Variants in AMZ1 observed in about 807,000 individuals in gnomAD.
The protein encoded by AMZ1 is archaemetzincin-1.
In AMZ1, 39 loss-of-function variants were observed where a neutral mutation model predicts 29.9. That is an observed-to-expected ratio of 1.30 (90% CI 1.01 to 1.70). The LOEUF (loss-of-function observed/expected upper bound fraction) is 1.70. AMZ1 is among the 40% of genes most tolerant of loss of function. AMZ1 has a pLI of 0.00. For missense variants in AMZ1, 1,041 were observed against 680.6 expected (o/e 1.53, Z -5.89); for synonymous variants, 458 against 304.0 (o/e 1.51, Z -5.27).
At chr7:2,732,507 C>T (rs576816978) in intron 4 of AMZ1, among the ~76,000 whole-genome samples, 1 of 152,172 alleles carries the variant, frequency 6.6e-6, no homozygotes, top group Non-Finnish European at 1.5e-5. Context: ...GATCGTGCCA[C>T]TGTACTCCAG....
chr7:2,757,758 CTTCCCTGCACA>C (rs1791371986), intron 4 of AMZ1, among the ~76,000 whole-genome samples: 1 of 152,230 alleles, frequency 6.6e-6, no homozygotes, highest in Non-Finnish European at 1.5e-5. Context: ...AAAATGTCAT[CTTCCCTGCACA>C]TTCTCAGCCC....
Position 2,710,634 on chromosome 7 carries a change from G to T in AMZ1, c.948+818G>T, listed in dbSNP as rs1449578459. Among the ~76,000 whole-genome samples the T allele has an allele frequency of 2.0e-5, 3 of 152,234 alleles. 1 individual carries two copies. Among genetic ancestry groups the T allele is most frequent in the Non-Finnish European group, 4.4e-5 (3 of 68,040 alleles). Reference sequence around the variant, plus strand: ...GGGTCCTGGGTGACACTGAACTAGAGGCCGTGGCATTTCTAGCTCACAGTG... The same window carrying T: ...GGGTCCTGGGTGACACTGAACTAGATGCCGTGGCATTTCTAGCTCACAGTG... On this transcript the variant is annotated intron_variant, in intron 6 of 6. Coordinates refer to ENST00000683327, the MANE Select transcript of AMZ1 (RefSeq NM_001384743.1).
rs904828101 is a variant in AMZ1 at position 2,745,196 on chromosome 7, C to A, written n.551-19516C>A. Among the ~76,000 whole-genome samples, 5 of 152,272 alleles carry A rather than the reference C, an allele frequency of 3.3e-5. No individual in the cohort carries two copies. The South Asian group carries it at 6.2e-4, about 19-fold the overall frequency. On this transcript the variant is annotated intron_variant and non_coding_transcript_variant, in intron 4 of 4. Coordinates refer to the AMZ1 transcript ENST00000489665. ...CCACAAAGATACTCCTTGAGAAAGG[C>A]AACTCCAAGACACATAATTGTCAGA...
At chr7:2,705,607 C>G (rs540564183) in intron 3 of AMZ1, among the ~76,000 whole-genome samples, 4 of 152,266 alleles carry the variant, frequency 2.6e-5, no homozygotes, top group South Asian at 4.2e-4. Flanking sequence ...CATCTTTTGG[C>G]GGGAGGGTTG....
upstream of AMZ1, among the ~76,000 whole-genome samples, chr7:2,764,248 T>C (rs798483): frequency 0.17 from 19,197 of 114,644 alleles, 1,286 homozygotes; most frequent in Middle Eastern, 0.23. Flanking sequence ...TAATTTCTTT[T>C]TTTTTTTTTT....
chr7:2,700,328 G>A lies in AMZ1; in HGVS notation c.-124G>A. 1 of 1,132,052 alleles carries A rather than the reference G, an allele frequency of 8.8e-7. No homozygotes were observed. Among genetic ancestry groups the A allele is most frequent in the Non-Finnish European group, 1.2e-6 (1 of 814,060 alleles). The allele number at this position is 1,132,052 out of a possible 1,614,324, so 70.1% of individuals were successfully genotyped here. On this transcript the variant is annotated 5_prime_UTR_variant, in exon 2 of 7. Coordinates refer to ENST00000683327, the MANE Select transcript of AMZ1 (RefSeq NM_001384743.1). ...CCTTGGACCAGTGTCTGTCTGCAGGGAGCCCCCGGTAGCCACTCGGATCAG... is the reference window on the plus strand; with the variant it reads ...CCTTGGACCAGTGTCTGTCTGCAGGAAGCCCCCGGTAGCCACTCGGATCAG...
chr7:2,692,590 G>A (rs973134775), intron 1 of AMZ1, among the ~76,000 whole-genome samples: 1 of 152,010 alleles, frequency 6.6e-6, no homozygotes, highest in African/African-American at 2.4e-5. Context: ...CAGAGCCCTC[G>A]GAGTTGTTGA....
intron 4 of AMZ1, among the ~76,000 whole-genome samples, chr7:2,736,625 G>C (rs1205392162): frequency 6.6e-6 from 1 of 152,204 alleles, no homozygotes; most frequent in African/African-American, 2.4e-5. Flanking sequence ...CGTGACACTG[G>C]GCAGGACCTA....
chr7:2,731,316 C>A lies in AMZ1; in HGVS notation n.550+21500C>A. On this transcript the variant is annotated intron_variant and non_coding_transcript_variant, in intron 4 of 4. Coordinates refer to the AMZ1 transcript ENST00000489665. The surrounding 1 kb of genome is among the most constrained non-coding windows in gnomAD (Gnocchi z 6.0). ...GTGGCTTGCTGCGGTTCCGTCTCTT[C>A]CTGTCGAAGCACTGGACCAGGTAGC... is the stretch of plus-strand genomic sequence containing the variant. 2 of 1,613,926 alleles carry A rather than the reference C, an allele frequency of 1.2e-6. No homozygotes were observed. Among genetic ancestry groups the A allele is most frequent in the Non-Finnish European group, 1.7e-6 (2 of 1,179,974 alleles).
At chr7:2,763,942 AC>A (rs1440935806), upstream of AMZ1, among the ~76,000 whole-genome samples, 2 of 152,128 alleles carry the variant, frequency 1.3e-5, no homozygotes, top group African/African-American at 2.4e-5. Context: ...CCAATTATGC[AC>A]CCTTCTTTCC....
Position 2,702,759 on chromosome 7 carries a change from C to T in AMZ1, c.342C>T (p.His114=), listed in dbSNP as rs1478151927. The change falls in exon 3 of 7, where the codon CAC becomes CAT. Residue 114 remains histidine (H), a synonymous_variant. Coordinates refer to ENST00000683327, the MANE Select transcript of AMZ1 (RefSeq NM_001384743.1). ...AGCCGGTGGGAAGCTCCCTGCTGCA[C>T]CAGCTGTGCAGCTGCACAGAGGCCT... ...SEEPVGSSLL[H]QLCSCTEAFF... The T allele has an allele frequency of 1.9e-6, 3 of 1,541,634 alleles. No homozygotes were observed. Among genetic ancestry groups the T allele is most frequent in the African/African-American group, 2.7e-5 (2 of 72,992 alleles).
chr7:2,725,541 T>C (rs915171928), intron 4 of AMZ1, among the ~76,000 whole-genome samples: 1 of 152,168 alleles, frequency 6.6e-6, no homozygotes, highest in Non-Finnish European at 1.5e-5. Context: ...AGCAAGTGAA[T>C]GAGAAGCCAT....
chr7:2,709,286 T>G (rs775791774), intron 5 of AMZ1, 42 bp downstream of exon 5: 2 of 1,468,966 alleles, frequency 1.4e-6, no homozygotes, highest in South Asian at 2.9e-5. Flanking sequence ...GACAGGAGGG[T>G]GCTGTCTGAG....
chr7:2,720,120 A>C (rs114894737), downstream of AMZ1, among the ~76,000 whole-genome samples: 1 of 152,254 alleles, frequency 6.6e-6, no homozygotes, highest in Non-Finnish European at 1.5e-5. Flanking sequence ...ACCTACCGAC[A>C]GGGCTGCCAC....
chr7:2,681,297 A>C (rs968356834), intron 1 of AMZ1, among the ~76,000 whole-genome samples: 21 of 152,060 alleles, frequency 1.4e-4, no homozygotes, highest in Non-Finnish European at 3.1e-4. Context: ...ATCATGGCTC[A>C]CTGCAGCCTT....
chr7:2,747,049 T>G (rs1002702983), intron 4 of AMZ1, among the ~76,000 whole-genome samples: 1 of 151,948 alleles, frequency 6.6e-6, no homozygotes. Flanking sequence ...CCAAAAAAAG[T>G]CCAGGAGCAG....
In AMZ1 at chr7:2,702,851, G is replaced by A. The variant is rs771129948; in HGVS notation, c.434G>A (p.Arg145Gln). The A allele has an allele frequency of 6.9e-6, 11 of 1,584,554 alleles. No homozygotes were observed. Among genetic ancestry groups the A allele is most frequent in the South Asian group, 3.4e-5 (3 of 87,500 alleles). ...VAAASIRCSSRPSRDSDRLQL... is the reference protein window; with the variant it reads ...VAAASIRCSSQPSRDSDRLQL... ...GCCGCGTCCATCCGCTGCTCCTCGC[G>A]GCCCAGCCGGGACTCTGACAGGCTC... Residue 145 changes from arginine to glutamine, a missense_variant, in exon 3 of 7, where the codon CGG (arginine) becomes CAG (glutamine). By Grantham distance (43) the Arg-to-Gln change is conservative. Transcript: ENST00000683327.
intron 4 of AMZ1, among the ~76,000 whole-genome samples, chr7:2,752,380 T>C (rs1324695466): frequency 6.6e-6 from 1 of 152,168 alleles, no homozygotes; most frequent in Non-Finnish European, 1.5e-5. Flanking sequence ...ACACTGGGTG[T>C]AAGGCAAGGA....
chr7:2,705,533 C>A (rs963646867), intron 3 of AMZ1, among the ~76,000 whole-genome samples: 1 of 152,216 alleles, frequency 6.6e-6, no homozygotes, highest in Non-Finnish European at 1.5e-5. Flanking sequence ...TCTCCTTAAT[C>A]CACTCCTCCC....
Sources: allele counts gnomAD v4.1 joint callset (sites outside exome capture counted in the v4.1 genomes callset), GRCh38; gene constraint gnomAD v4.1.1; non-coding constraint Gnocchi (gnomAD v3.1); transcripts MANE v1.5; gene names NCBI Gene and HGNC (gene_info 2026-07-23, HGNC 2026-07-21).